NLGN1: variants seen among roughly 807,000 people sequenced by gnomAD.
The protein encoded by NLGN1 is neuroligin 1.
Under a neutral mutation model 65.5 loss-of-function variants are expected in NLGN1, and 12 were observed. The observed-to-expected ratio is 0.18, with a 90% CI of 0.12 to 0.30. NLGN1 has a LOEUF of 0.30. Among genes scored for constraint, NLGN1 ranks in the 10% least tolerant of loss-of-function variants. NLGN1 has a pLI of 1.00. For missense variants in NLGN1, 750 were observed against 1,007.1 expected (o/e 0.74, Z 3.46); for synonymous variants, 350 against 359.5 (o/e 0.97, Z 0.30).
At chr3:173,436,537 G>A (rs56289226) in intron 2 of NLGN1, among the ~76,000 whole-genome samples, 1,550 of 152,254 alleles carry the variant, frequency 0.01, 18 homozygotes, top group Non-Finnish European at 0.016. Flanking sequence ...AATTTTAGGC[G>A]TGGTTTAACT....
intron 4 of NLGN1, among the ~76,000 whole-genome samples, chr3:174,197,518 C>A (rs1268590389): frequency 4.5e-3 from 447 of 100,204 alleles, no homozygotes; most frequent in Middle Eastern, 0.011. Flanking sequence ...TACTTAACCT[C>A]AAAAAAAAAA....
At chr3:173,691,010 A>G (rs1176662480) in intron 3 of NLGN1, among the ~76,000 whole-genome samples, 5 of 152,168 alleles carry the variant, frequency 3.3e-5, no homozygotes, top group Admixed American at 1.3e-4. Flanking sequence ...TTAAGTTGAT[A>G]TACCTGACGA....
chr3:174,000,574 T>C (rs1035639693), intron 4 of NLGN1, among the ~76,000 whole-genome samples: 1 of 152,136 alleles, frequency 6.6e-6, no homozygotes, highest in Non-Finnish European at 1.5e-5. Flanking sequence ...GGAAGTTGAG[T>C]AAATCAAGGT....
intron 2 of NLGN1, among the ~76,000 whole-genome samples, chr3:173,590,493 C>T (rs1748295556): frequency 6.6e-6 from 1 of 152,122 alleles, no homozygotes; most frequent in Non-Finnish European, 1.5e-5. Context: ...ATAACCTCCA[C>T]CATAGTAGGG....
At chr3:173,730,361 T>G (rs1225569679) in intron 3 of NLGN1, among the ~76,000 whole-genome samples, 1 of 140,248 alleles carries the variant, frequency 7.1e-6, no homozygotes, top group Non-Finnish European at 1.5e-5. Flanking sequence ...GCTACAAATT[T>G]GCACCACATA....
chr3:174,013,255 A>G (rs1457023096), intron 4 of NLGN1, among the ~76,000 whole-genome samples: 1 of 152,098 alleles, frequency 6.6e-6, no homozygotes, highest in Non-Finnish European at 1.5e-5. Flanking sequence ...AAAAGTCCTT[A>G]TTCCGGCAGC....
At chr3:173,708,111 A>G (rs1768334042) in intron 3 of NLGN1, among the ~76,000 whole-genome samples, 1 of 152,216 alleles carries the variant, frequency 6.6e-6, no homozygotes, top group South Asian at 2.1e-4. Flanking sequence ...ATTGAGGCCA[A>G]GAGTTCTAAT....
intron 4 of NLGN1, among the ~76,000 whole-genome samples, chr3:173,960,762 CTTA>C (rs1560728424): frequency 6.6e-6 from 1 of 151,212 alleles, no homozygotes; most frequent in Non-Finnish European, 1.5e-5. Context: ...AGGAAGACAA[CTTA>C]TTTTTTTTTT....
chr3:174,027,476 C>G (rs570925202), intron 4 of NLGN1, among the ~76,000 whole-genome samples: 1 of 152,268 alleles, frequency 6.6e-6, no homozygotes, highest in South Asian at 2.1e-4. Flanking sequence ...GGTCCACAAT[C>G]TCTTTGGTGC....
At chr3:173,989,700 G>T (rs115697967) in intron 4 of NLGN1, among the ~76,000 whole-genome samples, 203 of 152,230 alleles carry the variant, frequency 1.3e-3, no homozygotes, top group African/African-American at 4.7e-3. Context: ...CAGTCTTACC[G>T]CAGGTGCATC....
chr3:173,703,174 C>G (rs1354437182), intron 3 of NLGN1, among the ~76,000 whole-genome samples: 1 of 151,398 alleles, frequency 6.6e-6, no homozygotes, highest in African/African-American at 2.4e-5. Flanking sequence ...TTTATATTAA[C>G]CGAAGTTACA....
chr3:173,509,080 C>T (rs184870194), intron 2 of NLGN1, among the ~76,000 whole-genome samples: 5 of 152,156 alleles, frequency 3.3e-5, no homozygotes, highest in South Asian at 2.1e-4. Context: ...TCTTTCATAC[C>T]GGGTCCATAT....
chr3:174,076,136 T>A (rs947330569), intron 4 of NLGN1, among the ~76,000 whole-genome samples: 1 of 152,186 alleles, frequency 6.6e-6, no homozygotes, highest in Non-Finnish European at 1.5e-5. Context: ...TAAAGCAAGA[T>A]GTTTTGTCAT....
chr3:173,692,982 A>G (rs1008168804), intron 3 of NLGN1, among the ~76,000 whole-genome samples: 1 of 152,112 alleles, frequency 6.6e-6, no homozygotes, highest in Non-Finnish European at 1.5e-5. Context: ...TTTCAATCAT[A>G]CCAAGTATCC....
At position 173,789,420 on chromosome 3, in the gene NLGN1, G is replaced by A. The variant is rs577131045; in HGVS notation, c.494-18260G>A. ...ATTACATTAAACTTCCACATTACAC[G>A]TGAAAAGCCTTTGCAGAGCTTTCAC... On this transcript the variant is annotated intron_variant, in intron 3 of 6. Coordinates refer to ENST00000457714, the Ensembl canonical transcript of NLGN1. Among the ~76,000 whole-genome samples the A allele has an allele frequency of 2.0e-5, 3 of 152,088 alleles. No homozygotes were observed. The South Asian group carries it at 6.2e-4, about 32-fold the overall frequency.
Position 174,280,758 on chromosome 3 carries a change from T to A in NLGN1, c.1927T>A (p.Ser643Thr). The A allele has an allele frequency of 6.2e-7, 1 of 1,613,258 alleles. No homozygotes were observed. Among genetic ancestry groups the A allele is most frequent in the Admixed American group, 1.7e-5 (1 of 59,918 alleles). ...CACTTTCAGACCTACGAGAAAAAAT[T>A]CTGTACCTGTCACGTCAGCCTTTCC... Residue 643 changes from serine to threonine, a missense_variant, in exon 7 of 7, where the codon TCT (serine) becomes ACT (threonine). Coordinates refer to ENST00000457714, the Ensembl canonical transcript of NLGN1. The surrounding 1 kb of genome is among the most constrained non-coding windows in gnomAD (Gnocchi z 4.9).
intron 4 of NLGN1, among the ~76,000 whole-genome samples, chr3:174,066,977 CTTACT>C (rs1337123608): frequency 6.6e-6 from 1 of 152,056 alleles, no homozygotes; most frequent in East Asian, 1.9e-4. Flanking sequence ...CACAAGAAAA[CTTACT>C]TGACATACTT....
At chr3:173,553,663 A>T (rs1481521900) in intron 2 of NLGN1, among the ~76,000 whole-genome samples, 1 of 152,248 alleles carries the variant, frequency 6.6e-6, no homozygotes, top group Non-Finnish European at 1.5e-5. Context: ...GCCTGTGAAT[A>T]ATTGAATATA....
intron 4 of NLGN1, among the ~76,000 whole-genome samples, chr3:174,175,778 C>T (rs546938273): frequency 1.3e-5 from 2 of 151,886 alleles, no homozygotes; most frequent in East Asian, 1.9e-4. Context: ...AAAAGATTTC[C>T]CCACGGTAAC....
Sources: allele counts gnomAD v4.1 joint callset (sites outside exome capture counted in the v4.1 genomes callset), GRCh38; gene constraint gnomAD v4.1.1; non-coding constraint Gnocchi (gnomAD v3.1); transcripts MANE v1.5; gene names NCBI Gene and HGNC (gene_info 2026-07-23, HGNC 2026-07-21).